ALOX5AP: variants seen among roughly 807,000 people sequenced by gnomAD.
ALOX5AP encodes arachidonate 5-lipoxygenase-activating protein.
ALOX5AP carries 9 observed loss-of-function variants against 18.5 expected under a neutral mutation model. That is an observed-to-expected ratio of 0.49 (90% confidence interval 0.29 to 0.85). The LOEUF is 0.85. Ranked by LOEUF, ALOX5AP falls within the 40% of genes least tolerant of loss-of-function variation. The pLI, the probability that ALOX5AP is intolerant of heterozygous loss-of-function variation, is 0.08. For missense variants in ALOX5AP, 172 were observed against 202.5 expected (o/e 0.85, Z 0.91); for synonymous variants, 81 against 78.6 (o/e 1.03, Z -0.16).
At chr13:30,745,661 C>T (rs1951803574) in intron 2 of ALOX5AP, among the ~76,000 whole-genome samples, 1 of 152,226 alleles carries the variant, frequency 6.6e-6, no homozygotes, top group South Asian at 2.1e-4. Flanking sequence ...TGATTTAAGA[C>T]ATTTTAAAAC....
At position 30,755,871 on chromosome 13, in the gene ALOX5AP, AT is replaced by A. The variant is rs1447867626; in HGVS notation, c.242-71del. 5 of 1,424,728 alleles carry A rather than the reference AT, an allele frequency of 3.5e-6. No individual in the cohort carries two copies. The Admixed American group carries it at 8.5e-5, about 24-fold the overall frequency. The allele number at this position is 1,424,728 out of a possible 1,614,324, so 88.3% of individuals were successfully genotyped here. On this transcript the variant is annotated intron_variant, in intron 3 of 4. Coordinates refer to ENST00000380490, the MANE Select transcript of ALOX5AP (RefSeq NM_001629.4). ...CTGCTAGATTTTGTGACCAATGTTG[AT>A]TGCCTAATTGGGCTAACAGCATGTT...
rs564892258 is a variant in ALOX5AP, at chr13:30,728,823, G to T, written c.117-6728G>T. Among the ~76,000 whole-genome samples, 5 of 152,304 alleles carry T rather than the reference G, an allele frequency of 3.3e-5. 1 individual carries two copies. In the South Asian group the frequency reaches 1.0e-3, roughly 32 times the overall value. On this transcript the variant is annotated intron_variant, in intron 1 of 5. Transcript: ENST00000617770. ...TGATCACGCCACTGCACTCTAGCCT[G>T]GGTGACAGAGTGAGAAAGCTGGTCT...
intron 1 of ALOX5AP, chr13:30,713,858 G>GTGCA (rs71299868): frequency 1.3e-6 from 2 of 1,533,666 alleles, no homozygotes; most frequent in South Asian, 2.4e-5. Context: ...GTGTGTGTGC[G>GTGCA]CGCACACGCG....
intron 1 of ALOX5AP, among the ~76,000 whole-genome samples, chr13:30,743,710 T>A (rs1402924680): frequency 6.6e-6 from 1 of 152,100 alleles, no homozygotes; most frequent in East Asian, 1.9e-4. Flanking sequence ...CAACATGGAA[T>A]TAAGTTGCCT....
upstream of ALOX5AP, among the ~76,000 whole-genome samples, chr13:30,732,492 C>G (rs11616333): frequency 0.035 from 5,392 of 152,312 alleles, 145 homozygotes; most frequent in Middle Eastern, 0.088. Flanking sequence ...ACACTTCTCA[C>G]TCCCTCCTCC....
intron 1 of ALOX5AP, among the ~76,000 whole-genome samples, chr13:30,739,045 C>T (rs1951742000): frequency 6.6e-6 from 1 of 152,068 alleles, no homozygotes; most frequent in South Asian, 2.1e-4. Flanking sequence ...TCATGAAGTT[C>T]CCCCAAAGCA....
chr13:30,729,622 G>A (rs1388522123), intron 1 of ALOX5AP, among the ~76,000 whole-genome samples: 1 of 148,120 alleles, frequency 6.8e-6, no homozygotes, highest in Admixed American at 6.9e-5. Context: ...TGTCACCCAG[G>A]CTGGAGTGCA....
At chr13:30,747,716 T>C (rs1466717462) in intron 2 of ALOX5AP, among the ~76,000 whole-genome samples, 1 of 152,206 alleles carries the variant, frequency 6.6e-6, no homozygotes, top group Non-Finnish European at 1.5e-5. Flanking sequence ...ACAAGTTCTT[T>C]ATAGACAGAC....
chr13:30,713,949 G>C, intron 1 of ALOX5AP: 1 of 1,258,726 alleles, frequency 7.9e-7, no homozygotes, highest in South Asian at 1.4e-5. Context: ...TAAGAACCGA[G>C]GCTCCCAGAA....
At chr13:30,732,284 T>G (rs1415565715), upstream of ALOX5AP, among the ~76,000 whole-genome samples, 1 of 152,160 alleles carries the variant, frequency 6.6e-6, no homozygotes, top group Non-Finnish European at 1.5e-5. Context: ...GTGGGGTCCC[T>G]GCGTTCCACG....
exon 1 of ALOX5AP, chr13:30,713,779 T>G: frequency 6.5e-7 from 1 of 1,535,702 alleles, no homozygotes; most frequent in East Asian, 2.4e-5. Flanking sequence ...CTCTGAAAAC[T>G]TCTGAATTTG....
chr13:30,746,040 G>A (rs1486538589), intron 2 of ALOX5AP, among the ~76,000 whole-genome samples: 2 of 152,232 alleles, frequency 1.3e-5, no homozygotes, highest in African/African-American at 2.4e-5. Flanking sequence ...GCCAGGCTGT[G>A]TAGTTTCTGC....
intron 1 of ALOX5AP, among the ~76,000 whole-genome samples, chr13:30,725,033 A>G (rs905350190): frequency 6.6e-6 from 1 of 152,202 alleles, no homozygotes; most frequent in African/African-American, 2.4e-5. Context: ...GAGGCACTAC[A>G]TCTCCACTCT....
chr13:30,731,930 C>A (rs886084978), upstream of ALOX5AP, among the ~76,000 whole-genome samples: 25 of 152,362 alleles, frequency 1.6e-4, no homozygotes, highest in African/African-American at 5.8e-4. Context: ...CCCGGTGCCC[C>A]TTGTCTTTTT....
intron 2 of ALOX5AP, among the ~76,000 whole-genome samples, chr13:30,749,128 C>G (rs893908616): frequency 6.6e-6 from 1 of 152,214 alleles, no homozygotes; most frequent in Non-Finnish European, 1.5e-5. Flanking sequence ...GAATTTCATT[C>G]AACTCCAGGC....
At chr13:30,720,604 A>G (rs1327427730) in intron 1 of ALOX5AP, among the ~76,000 whole-genome samples, 1 of 152,264 alleles carries the variant, frequency 6.6e-6, no homozygotes, top group Non-Finnish European at 1.5e-5. Context: ...TGTGTTAGTT[A>G]TGAAATCCAT....
At chr13:30,749,266 T>G (rs1951833233) in intron 2 of ALOX5AP, among the ~76,000 whole-genome samples, 1 of 152,116 alleles carries the variant, frequency 6.6e-6, no homozygotes, top group Non-Finnish European at 1.5e-5. Flanking sequence ...AATTAAGAAT[T>G]TTTTTCCTTT....
At chr13:30,753,703 G>T (rs9315048) in intron 3 of ALOX5AP, among the ~76,000 whole-genome samples, 38,277 of 152,062 alleles carry the variant, frequency 0.25, 4,919 homozygotes, top group African/African-American at 0.3. Context: ...AGAATTTTAG[G>T]GGCTGGATTT....
At chr13:30,729,595 T>A (rs992797469) in intron 1 of ALOX5AP, among the ~76,000 whole-genome samples, 1 of 147,560 alleles carries the variant, frequency 6.8e-6, no homozygotes, top group African/African-American at 2.5e-5. Flanking sequence ...TTTTTTTTTT[T>A]AGATGGGGTC....
Sources: allele counts gnomAD v4.1 joint callset (sites outside exome capture counted in the v4.1 genomes callset), GRCh38; gene constraint gnomAD v4.1.1; transcripts MANE v1.5; gene names NCBI Gene and HGNC (gene_info 2026-07-23, HGNC 2026-07-21).